Variants in MAML2 observed in about 807,000 individuals in gnomAD.
The protein encoded by MAML2 is mastermind like transcriptional coactivator 2, also known as mastermind-like protein 2.
A neutral mutation model predicts 96.1 loss-of-function variants in MAML2; 22 were observed. That is an observed-to-expected ratio of 0.23 (90% CI 0.16 to 0.33). The LOEUF is 0.33. MAML2 is among the 10% of genes least tolerant of loss of function. The pLI is 1.00. For synonymous variants in MAML2, 561 were observed against 521.3 expected, an observed-to-expected ratio of 1.08 and a Z score of -1.04; for missense variants, 1,367 against 1,392.4, an observed-to-expected ratio of 0.98 and a Z score of 0.29.
intron 2 of MAML2, among the ~76,000 whole-genome samples, chr11:95,997,204 T>A (rs568132773): frequency 6.6e-6 from 1 of 152,162 alleles, no homozygotes; most frequent in East Asian, 1.9e-4. Flanking sequence ...ACAAAATAGG[T>A]TTCGCATCCA....
intron 1 of MAML2, among the ~76,000 whole-genome samples, chr11:96,162,855 T>C (rs1368006182): frequency 6.6e-6 from 1 of 151,870 alleles, no homozygotes; most frequent in East Asian, 1.9e-4. Context: ...AAGCCTGGAG[T>C]CTGGCATAGT....
At chr11:95,991,358 T>TC (rs1047055458) in intron 3 of MAML2, among the ~76,000 whole-genome samples, 162 bp downstream of exon 3, 1 of 152,090 alleles carries the variant, frequency 6.6e-6, no homozygotes, top group Non-Finnish European at 1.5e-5. Context: ...GGGTTTTTTT[T>TC]TCTTCCTGCA....
intron 2 of MAML2, among the ~76,000 whole-genome samples, chr11:96,053,603 G>A (rs748639524): frequency 6.6e-6 from 1 of 150,702 alleles, no homozygotes; most frequent in Non-Finnish European, 1.5e-5. Context: ...GTCTGGAAGA[G>A]AGAAGGAGGG....
intron 2 of MAML2, among the ~76,000 whole-genome samples, chr11:96,042,553 C>T (rs978884092): frequency 6.7e-6 from 1 of 149,796 alleles, no homozygotes; most frequent in African/African-American, 2.5e-5. Context: ...AGCTCCCTAC[C>T]GTATAAAGTC....
In MAML2 at chr11:96,197,355, AG is replaced by A. The variant is rs370429329; in HGVS notation, c.514-103839del. On this transcript the variant is annotated intron_variant, in intron 1 of 4. Coordinates refer to ENST00000524717, the MANE Select transcript of MAML2 (RefSeq NM_032427.4). ...TTTTTGTAGCTGTAAATCCAGCCTTAGTAATACTGACCTCCATTAACATAGC... is the reference window on the plus strand; with the variant it reads ...TTTTTGTAGCTGTAAATCCAGCCTTATAATACTGACCTCCATTAACATAGC... Among the ~76,000 whole-genome samples, 450 of 152,336 alleles carry A rather than the reference AG, an allele frequency of 3.0e-3. 3 individuals carry two copies. Among genetic ancestry groups the A allele is most frequent in the African/African-American group, 9.8e-3 (409 of 41,572 alleles).
intron 1 of MAML2, among the ~76,000 whole-genome samples, chr11:96,126,530 C>A (rs1860440871): frequency 6.6e-6 from 1 of 152,126 alleles, no homozygotes; most frequent in South Asian, 2.1e-4. Context: ...CCACTGCACT[C>A]CAGCTTGGGC....
intron 2 of MAML2, among the ~76,000 whole-genome samples, chr11:96,004,092 C>T (rs1858139407): frequency 6.6e-6 from 1 of 152,064 alleles, no homozygotes; most frequent in Admixed American, 6.6e-5. Context: ...GTATATCAAG[C>T]CTATACTTTC....
At chr11:96,062,355 G>A (rs1859174977) in intron 2 of MAML2, among the ~76,000 whole-genome samples, 1 of 152,230 alleles carries the variant, frequency 6.6e-6, no homozygotes, top group Non-Finnish European at 1.5e-5. Context: ...AGACACTGCA[G>A]TGAAGTGCAG....
At chr11:96,288,518 G>A (rs1863168951) in intron 1 of MAML2, among the ~76,000 whole-genome samples, 1 of 150,024 alleles carries the variant, frequency 6.7e-6, no homozygotes, top group African/African-American at 2.5e-5. Context: ...CTCCAGCTCG[G>A]GTGACAACAG....
At chr11:96,127,022 G>A (rs909406210) in intron 1 of MAML2, among the ~76,000 whole-genome samples, 1 of 152,160 alleles carries the variant, frequency 6.6e-6, no homozygotes, top group Admixed American at 6.5e-5. Flanking sequence ...TTGTTGACCC[G>A]GTGTTGGTGT....
chr11:96,090,891 G>A (rs1161190377), intron 2 of MAML2, among the ~76,000 whole-genome samples: 3 of 152,174 alleles, frequency 2.0e-5, no homozygotes, highest in Non-Finnish European at 2.9e-5. Flanking sequence ...CTGCACCATC[G>A]CACTGTCCTG....
intron 1 of MAML2, among the ~76,000 whole-genome samples, chr11:96,192,425 T>G (rs10831494): frequency 6.6e-6 from 1 of 151,994 alleles, no homozygotes; most frequent in Non-Finnish European, 1.5e-5. Flanking sequence ...AGGTGCAGAA[T>G]GCTAGGTCAG....
chr11:96,228,798 A>G (rs1862249879), intron 1 of MAML2, among the ~76,000 whole-genome samples: 1 of 152,208 alleles, frequency 6.6e-6, no homozygotes, highest in Non-Finnish European at 1.5e-5. Context: ...TCCGGCTGGC[A>G]GATGGCCATG....
chr11:96,022,157 C>T (rs147612035), intron 2 of MAML2, among the ~76,000 whole-genome samples: 1 of 152,316 alleles, frequency 6.6e-6, no homozygotes, highest in Non-Finnish European at 1.5e-5. Context: ...ATTCACAGGT[C>T]AGGGCACCCT....
chr11:96,176,995 T>C (rs1156557050), intron 1 of MAML2, among the ~76,000 whole-genome samples: 1 of 152,170 alleles, frequency 6.6e-6, no homozygotes, highest in Non-Finnish European at 1.5e-5. Flanking sequence ...TTGTAGGACT[T>C]AGGGTCTAAT....
chr11:96,291,765 T>C (rs1296662319), intron 1 of MAML2, among the ~76,000 whole-genome samples: 2 of 152,214 alleles, frequency 1.3e-5, no homozygotes. Context: ...ATCTTTTTAT[T>C]CATAGAATAC....
At chr11:96,279,010 G>C (rs901716847) in intron 1 of MAML2, among the ~76,000 whole-genome samples, 6 of 152,150 alleles carry the variant, frequency 3.9e-5, no homozygotes, top group Admixed American at 1.3e-4. Flanking sequence ...GTAGGAACTG[G>C]GTGATTATAG....
chr11:96,011,828 A>G (rs1028677061), intron 2 of MAML2, among the ~76,000 whole-genome samples: 2 of 152,226 alleles, frequency 1.3e-5, no homozygotes, highest in Non-Finnish European at 2.9e-5. Flanking sequence ...ACATATTCCC[A>G]CCTCTCACAT....
At chr11:96,021,454 C>T (rs945241606) in intron 2 of MAML2, among the ~76,000 whole-genome samples, 4 of 152,218 alleles carry the variant, frequency 2.6e-5, no homozygotes, top group Non-Finnish European at 5.9e-5. Flanking sequence ...TGAATGCCTG[C>T]GGCTCTCTGT....
Sources: gnomAD v4.1 joint callset for allele counts (sites outside exome capture counted in the v4.1 genomes callset) on GRCh38, gnomAD v4.1.1 for gene constraint, MANE v1.5 for transcripts, NCBI Gene and HGNC (gene_info 2026-07-23, HGNC 2026-07-21) for gene names.